The following AFAP1 variants were observed in gnomAD, a reference collection of about 807,000 sequenced individuals.
The protein encoded by AFAP1 is actin filament associated protein 1.
In AFAP1, 75 loss-of-function variants were observed where a neutral mutation model predicts 93.9. The observed-to-expected ratio is 0.80, with a 90% CI of 0.66 to 0.97. AFAP1 has a LOEUF of 0.97. AFAP1 is among the 50% of genes least tolerant of loss of function. AFAP1 has a pLI of 0.00. For missense variants in AFAP1, 1,201 were observed against 1,050.8 expected (o/e 1.14, Z -1.98); for synonymous variants, 517 against 430.7 (o/e 1.20, Z -2.48).
chr4:7,855,508 C>G lies in AFAP1; in HGVS notation c.292G>C (p.Val98Leu), dbSNP rs745595689. Reference protein sequence around the residue: ...SLPEGYYEEAVPLSPGKAPEY... With the variant: ...SLPEGYYEEALPLSPGKAPEY... ...GGAGCTTTTCCGGGGCTCAGCGGCA[C>G]AGCTTCCTCATAATAACCTTCTGGG... Residue 98 changes from valine to leucine, a missense_variant, in exon 4 of 18, where the codon GTG (valine) becomes CTG (leucine). Coordinates refer to ENST00000420658, the MANE Select transcript of AFAP1 (RefSeq NM_001134647.2). 2 of 1,613,824 alleles carry G rather than the reference C, an allele frequency of 1.2e-6. No homozygotes were observed. The highest frequency in any genetic ancestry group is 1.7e-6 in the Non-Finnish European group (2 of 1,179,872).
chr4:7,798,461 G>C (rs140516497), intron 10 of AFAP1, among the ~76,000 whole-genome samples: 1 of 108,920 alleles, frequency 9.2e-6, no homozygotes, highest in Non-Finnish European at 2.1e-5. Flanking sequence ...GCTGGCTCAC[G>C]GCATTGCAAC....
intron 1 of AFAP1, among the ~76,000 whole-genome samples, chr4:7,930,455 T>A (rs1577368671): frequency 6.6e-6 from 1 of 151,990 alleles, no homozygotes; most frequent in African/African-American, 2.4e-5. Context: ...GAGGTAGGGG[T>A]AGGGCTGGTA....
intron 1 of AFAP1, among the ~76,000 whole-genome samples, chr4:7,929,524 C>G (rs1454810792): frequency 1.3e-5 from 2 of 152,210 alleles, no homozygotes; most frequent in Non-Finnish European, 2.9e-5. Flanking sequence ...TCCAACTCCT[C>G]CCTCAAAGTC....
At chr4:7,885,917 T>C (rs1718117027) in intron 1 of AFAP1, among the ~76,000 whole-genome samples, 2 of 152,214 alleles carry the variant, frequency 1.3e-5, no homozygotes, top group Non-Finnish European at 2.9e-5. Flanking sequence ...CGAGTGGCAC[T>C]GAAGCAAAGG....
At chr4:7,810,979 C>A (rs572341977) in intron 8 of AFAP1, among the ~76,000 whole-genome samples, 97 of 152,336 alleles carry the variant, frequency 6.4e-4, no homozygotes, top group African/African-American at 2.2e-3. Flanking sequence ...GGCAAGAAAT[C>A]AGAACGTGCG....
In AFAP1 at chr4:7,763,587, T is replaced by TAC; in HGVS notation, c.*176_*177dup. 1.6e-6 allele frequency: 1 copy of TAC among 624,090 alleles called. No individual in the cohort carries two copies. The highest frequency in any genetic ancestry group is 1.9e-5 in the African/African-American group (1 of 53,600). The allele number at this position is 624,090 out of a possible 1,614,324, so 38.7% of individuals were successfully genotyped here. A position where few individuals can be genotyped will look rare whatever the true frequency, so the allele number is the denominator to read the frequency against. On this transcript the variant is annotated 3_prime_UTR_variant, in exon 18 of 18. Transcript: ENST00000420658. ...TACATCTTTTTTAAAGGCGCCATTT[T>TAC]ACAGTAGAAAGAATACAAGTGGGCC...
At chr4:7,856,489 C>A (rs1407333734) in intron 3 of AFAP1, among the ~76,000 whole-genome samples, 1 of 152,166 alleles carries the variant, frequency 6.6e-6, no homozygotes, top group Non-Finnish European at 1.5e-5. Context: ...ATCAGCCCGC[C>A]TTGGCCTCCC....
chr4:7,906,250 T>A (rs1719395003), intron 1 of AFAP1, among the ~76,000 whole-genome samples: 1 of 152,110 alleles, frequency 6.6e-6, no homozygotes, highest in Non-Finnish European at 1.5e-5. Context: ...GGCTCTTAGC[T>A]TCTGTGAGCC....
At position 7,935,341 on chromosome 4, in the gene AFAP1, G is replaced by C. The variant is rs538766370; in HGVS notation, c.-3+4315C>G. ...TTGGACTTAACAAAAGCTTTAGTAG[G>C]GCCACATATCGAATTCCAGTCCTCT... On this transcript the variant is annotated intron_variant, in intron 1 of 17. Coordinates refer to ENST00000420658, the MANE Select transcript of AFAP1 (RefSeq NM_001134647.2). Among the ~76,000 whole-genome samples the C allele has an allele frequency of 3.9e-5, 6 of 152,240 alleles. No individual in the cohort carries two copies. The South Asian group carries it at 1.0e-3, about 26-fold the overall frequency.
chr4:7,879,155 G>C (rs1717694784), intron 1 of AFAP1, among the ~76,000 whole-genome samples: 1 of 152,196 alleles, frequency 6.6e-6, no homozygotes, highest in African/African-American at 2.4e-5. Context: ...AAAGACTGAA[G>C]CAAGGGCCCA....
rs145238950 is a variant in AFAP1, at chr4:7,772,850, G to C, written c.2223C>G (p.Ile741Met). The change falls in exon 16 of 18, where the codon ATC (isoleucine) becomes ATG (methionine). Residue 741 changes from isoleucine to methionine, a missense_variant. By Grantham distance (10) the Ile-to-Met change is conservative (BLOSUM62 1). Coordinates refer to ENST00000420658, the MANE Select transcript of AFAP1 (RefSeq NM_001134647.2). Reference sequence around the variant, plus strand: ...GACTCGATGTCCCTGACTTGGGCTCGATGGCCAGCCCCAGGGTGACTCCGC... The same window carrying C: ...GACTCGATGTCCCTGACTTGGGCTCCATGGCCAGCCCCAGGGTGACTCCGC... ...LAGGVTLGLA[I>M]EPKSGTSSPQ... 9.9e-6 allele frequency: 16 copies of C among 1,613,884 alleles called. No individual in the cohort carries two copies. The South Asian group carries it at 1.3e-4, about 13-fold the overall frequency.
At chr4:7,912,190 C>G (rs1719770747) in intron 1 of AFAP1, among the ~76,000 whole-genome samples, 2 of 152,338 alleles carry the variant, frequency 1.3e-5, no homozygotes, top group Admixed American at 6.5e-5. Flanking sequence ...GTTTGTTTAA[C>G]CATTCACCTG....
intron 3 of AFAP1, among the ~76,000 whole-genome samples, chr4:7,863,332 T>C (rs112030518): frequency 2.0e-5 from 3 of 151,718 alleles, no homozygotes; most frequent in African/African-American, 7.3e-5. Flanking sequence ...GGTGGGAAAA[T>C]TGCATGAACC....
Position 7,939,436 on chromosome 4 carries a change from G to A in AFAP1, c.-3+220C>T. The A allele has an allele frequency of 3.4e-6, 1 of 297,760 alleles. No homozygotes were observed. Among genetic ancestry groups the A allele is most frequent in the Non-Finnish European group, 6.5e-6 (1 of 154,064 alleles). The allele number at this position is 297,760 out of a possible 1,614,324, so 18.4% of individuals were successfully genotyped here. ...CCTCCGGGCAGACGCGGGGAGCTGG[G>A]GAGCAGTGGGGACCGGCCCCCACCC... is the stretch of plus-strand genomic sequence containing the variant. On this transcript the variant is annotated intron_variant, in intron 1 of 17. Transcript: ENST00000420658. This position sits in a 1 kb window ranked among gnomAD's most constrained non-coding sequence, Gnocchi z 5.6.
chr4:7,764,235 GAAGTCTAACAAGGACA>G, intron 17 of AFAP1, among the ~76,000 whole-genome samples: 1 of 152,352 alleles, frequency 6.6e-6, no homozygotes. Flanking sequence ...GGGACCTGGA[GAAGTCTAACAAGGACA>G]GAAAGTGGGC....
At position 7,850,359 on chromosome 4, in the gene AFAP1, G is replaced by C. The variant is rs535473461; in HGVS notation, c.334+5107C>G. ...CCAAACACCAGCAGCATTACATAAT[G>C]TATTTCGTTTACACACACACCCACA... On this transcript the variant is annotated intron_variant, in intron 4 of 17. Transcript: ENST00000420658. Among the ~76,000 whole-genome samples the C allele has an allele frequency of 1.6e-3, 243 of 152,246 alleles. 2 individuals carry two copies. Among genetic ancestry groups the C allele is most frequent in the Non-Finnish European group, 2.3e-3 (158 of 68,018 alleles).
intron 1 of AFAP1, among the ~76,000 whole-genome samples, chr4:7,892,844 G>T (rs1351913130): frequency 6.6e-6 from 1 of 152,126 alleles, no homozygotes; most frequent in African/African-American, 2.4e-5. Flanking sequence ...ATGTGGTGGG[G>T]GAGCAGCGGG....
At chr4:7,811,784 G>A (rs897862339) in intron 8 of AFAP1, among the ~76,000 whole-genome samples, 5 of 152,142 alleles carry the variant, frequency 3.3e-5, no homozygotes, top group Admixed American at 6.5e-5. Flanking sequence ...CTCCAGGGCC[G>A]TCTAAATGCA....
intron 1 of AFAP1, among the ~76,000 whole-genome samples, chr4:7,901,301 C>T (rs1719103989): frequency 6.6e-6 from 1 of 152,218 alleles, no homozygotes; most frequent in Non-Finnish European, 1.5e-5. Context: ...ACATCAAGTT[C>T]ACAACGTCCT....
Sources: gnomAD v4.1 joint callset for allele counts (sites outside exome capture counted in the v4.1 genomes callset) on GRCh38, gnomAD v4.1.1 for gene constraint, Gnocchi (gnomAD v3.1) non-coding constraint, MANE v1.5 for transcripts, NCBI Gene and HGNC (gene_info 2026-07-23, HGNC 2026-07-21) for gene names.